EBPL: variants seen among roughly 807,000 people sequenced by gnomAD.
The protein encoded by EBPL is EBP like.
EBPL carries 20 observed loss-of-function variants against 19.0 expected under a neutral mutation model. The ratio of observed to expected loss-of-function variants is 1.05; its 90% CI spans 0.74 to 1.53. The LOEUF (loss-of-function observed/expected upper bound fraction) is 1.53. Among genes scored for constraint, EBPL ranks in the 40% most tolerant of loss-of-function variants. The probability of loss-of-function intolerance (pLI) is 0.00; values close to 1 mark genes in which losing one functional copy is unlikely to be tolerated. For synonymous variants in EBPL, 107 were observed against 117.0 expected (o/e 0.91, Z 0.55); for missense variants, 219 against 261.1 (o/e 0.84, Z 1.11).
intron 1 of EBPL, among the ~76,000 whole-genome samples, chr13:49,684,437 G>A (rs547178981): frequency 3.2e-4 from 48 of 152,354 alleles, no homozygotes; most frequent in African/African-American, 1.0e-3. Flanking sequence ...CCGGGAGGCC[G>A]AGGCAGCTGG....
At chr13:49,678,728 C>T (rs1424130180) in intron 1 of EBPL, among the ~76,000 whole-genome samples, 1 of 152,154 alleles carries the variant, frequency 6.6e-6, no homozygotes, top group Non-Finnish European at 1.5e-5. Flanking sequence ...GGGGCTCCCA[C>T]AGTGCAGCCG....
At chr13:49,677,545 C>CA (rs1953889990) in intron 1 of EBPL, among the ~76,000 whole-genome samples, 1 of 152,184 alleles carries the variant, frequency 6.6e-6, no homozygotes, top group African/African-American at 2.4e-5. Flanking sequence ...AGACGCCATG[C>CA]AAAAACAAAC....
chr13:49,688,643 C>T (rs1048787725), intron 1 of EBPL, among the ~76,000 whole-genome samples: 1 of 147,304 alleles, frequency 6.8e-6, no homozygotes, highest in Admixed American at 6.9e-5. Flanking sequence ...GGCGTGAACC[C>T]GAGAGGCGGA....
At chr13:49,670,038 G>A (rs1043710953) in intron 1 of EBPL, among the ~76,000 whole-genome samples, 192 bp from the exon 2 acceptor site, 2 of 152,074 alleles carry the variant, frequency 1.3e-5, no homozygotes, top group African/African-American at 4.8e-5. Context: ...CTTGGAAATG[G>A]GTATGTCTCA....
intron 1 of EBPL, among the ~76,000 whole-genome samples, chr13:49,680,835 AAT>A (rs1953934721): frequency 1.3e-5 from 2 of 150,310 alleles, no homozygotes; most frequent in Non-Finnish European, 3.0e-5. Flanking sequence ...AACAAAACAA[AAT>A]ACAAAACAAA....
At chr13:49,661,360 A>C in intron 3 of EBPL, 152 bp from the exon 4 acceptor site, 1 of 659,290 alleles carries the variant, frequency 1.5e-6, no homozygotes, top group Non-Finnish European at 2.7e-6. Flanking sequence ...TGCTATTTTG[A>C]TGGGGGCAAG....
chr13:49,678,736 C>T (rs1366163897), intron 1 of EBPL, among the ~76,000 whole-genome samples: 3 of 152,142 alleles, frequency 2.0e-5, no homozygotes, highest in African/African-American at 7.2e-5. Context: ...CACAGTGCAG[C>T]CGCGGGCTGA....
Position 49,691,238 on chromosome 13 carries a change from A to G in EBPL, c.171+16T>C, listed in dbSNP as rs753257369. ...CTCTGGGATGGGGAGTGCAGGGTCTAGGCGATGGCACTTACCAGCGCGAAG... is the reference window on the plus strand; with the variant it reads ...CTCTGGGATGGGGAGTGCAGGGTCTGGGCGATGGCACTTACCAGCGCGAAG... On this transcript the variant is annotated intron_variant, in intron 1 of 3. Transcript: ENST00000242827. 7.3e-7 allele frequency: 1 copy of G among 1,367,108 alleles called. No individual in the cohort carries two copies. Among genetic ancestry groups the G allele is most frequent in the Admixed American group, 3.0e-5 (1 of 32,984 alleles). 84.7% of individuals were successfully genotyped at this position (1,367,108 alleles called of 1,614,324 possible). A position where few individuals can be genotyped will look rare whatever the true frequency, so the allele number is the denominator to read the frequency against.
At chr13:49,664,408 C>T (rs866414340) in intron 2 of EBPL, among the ~76,000 whole-genome samples, 1 of 152,150 alleles carries the variant, frequency 6.6e-6, no homozygotes, top group African/African-American at 2.4e-5. Context: ...ATGGCTCTCA[C>T]ACAGTCTCAG....
chr13:49,666,439 G>A (rs1359011674), intron 2 of EBPL, among the ~76,000 whole-genome samples: 4 of 151,956 alleles, frequency 2.6e-5, no homozygotes. Context: ...AGCCAGGGAG[G>A]GTGGCTCACA....
At chr13:49,671,464 A>T (rs992478788) in intron 1 of EBPL, among the ~76,000 whole-genome samples, 1 of 152,214 alleles carries the variant, frequency 6.6e-6, no homozygotes, top group African/African-American at 2.4e-5. Flanking sequence ...CTTAAAGGAC[A>T]TTAAAAAAAT....
At chr13:49,687,844 G>A (rs1001663808) in intron 1 of EBPL, among the ~76,000 whole-genome samples, 2 of 152,184 alleles carry the variant, frequency 1.3e-5, no homozygotes, top group Admixed American at 6.5e-5. Flanking sequence ...AATCTCGGAC[G>A]CTAGAGTTTC....
intron 1 of EBPL, among the ~76,000 whole-genome samples, chr13:49,670,844 T>C (rs1471337549): frequency 6.6e-6 from 1 of 152,118 alleles, no homozygotes; most frequent in Non-Finnish European, 1.5e-5. Context: ...CACGAAAGAG[T>C]ATGACAGCCT....
At chr13:49,678,283 C>T (rs562832286) in intron 1 of EBPL, among the ~76,000 whole-genome samples, 3 of 152,346 alleles carry the variant, frequency 2.0e-5, no homozygotes, top group Admixed American at 6.5e-5. Flanking sequence ...TAGTGGATCC[C>T]GCACCAGGGC....
intron 2 of EBPL, 120 bp downstream of exon 2, chr13:49,669,657 C>T: frequency 1.1e-6 from 1 of 872,362 alleles, no homozygotes; most frequent in South Asian, 1.6e-5. Context: ...TCTACAGACT[C>T]ACCTATTCTG....
chr13:49,665,432 C>T (rs983213556), intron 2 of EBPL, among the ~76,000 whole-genome samples: 2 of 152,142 alleles, frequency 1.3e-5, no homozygotes, highest in Admixed American at 6.5e-5. Context: ...CCACCATGCC[C>T]GGCTAATTTT....
At chr13:49,689,490 T>C (rs1954037124) in intron 1 of EBPL, among the ~76,000 whole-genome samples, 1 of 152,050 alleles carries the variant, frequency 6.6e-6, no homozygotes, top group Non-Finnish European at 1.5e-5. Context: ...GCTGAGATTA[T>C]GGGCACCGTC....
intron 1 of EBPL, among the ~76,000 whole-genome samples, chr13:49,688,580 G>A (rs1465321800): frequency 6.6e-6 from 1 of 152,006 alleles, no homozygotes; most frequent in Non-Finnish European, 1.5e-5. Context: ...TTAGCCGGGC[G>A]TGGTGGCGGG....
At chr13:49,684,630 G>A (rs1415213575) in intron 1 of EBPL, among the ~76,000 whole-genome samples, 5 of 152,156 alleles carry the variant, frequency 3.3e-5, no homozygotes, top group African/African-American at 9.7e-5. Flanking sequence ...AGCTGAGATC[G>A]CGCCACTGCA....
Sources: allele counts gnomAD v4.1 joint callset (sites outside exome capture counted in the v4.1 genomes callset), GRCh38; gene constraint gnomAD v4.1.1; transcripts MANE v1.5; gene names NCBI Gene and HGNC (gene_info 2026-07-23, HGNC 2026-07-21).